PTPRN2: variants seen among roughly 807,000 people sequenced by gnomAD.
PTPRN2 encodes the protein protein tyrosine phosphatase receptor type N2, also known as receptor-type tyrosine-protein phosphatase N2.
Under a neutral mutation model 118.8 loss-of-function variants are expected in PTPRN2, and 74 were observed. The ratio of observed to expected loss-of-function variants is 0.62; its 90% CI spans 0.52 to 0.76. The LOEUF is 0.76. PTPRN2 is among the 30% of genes least tolerant of loss of function. The pLI, the probability that PTPRN2 is intolerant of heterozygous loss-of-function variation, is 0.00. For missense variants in PTPRN2, 1,481 were observed against 1,394.4 expected (o/e 1.06, Z -0.99); for synonymous variants, 641 against 608.0 (o/e 1.05, Z -0.80).
rs569104326 is a variant in PTPRN2, at chr7:157,986,633, C to T, written c.1724-87896G>A. On this transcript the variant is annotated intron_variant, in intron 11 of 22. Coordinates refer to ENST00000389418, the MANE Select transcript of PTPRN2 (RefSeq NM_002847.5). The surrounding 1 kb of genome is among the most constrained non-coding windows in gnomAD (Gnocchi z 4.5). ...TCCTCACTCAAAATTCCCATTCACT[C>T]AGCATTACCACGGTTTGATATTAGG... Among the ~76,000 whole-genome samples the T allele has an allele frequency of 1.2e-4, 19 of 152,340 alleles. No individual in the cohort carries two copies. The highest frequency in any genetic ancestry group is 4.3e-4 in the African/African-American group (18 of 41,580).
At position 157,836,846 on chromosome 7, in the gene PTPRN2, T is replaced by TCCATCCATCCATCCATC. The variant is rs1554464897; in HGVS notation, c.1788+61826_1788+61827insGATGGATGGATGGATGG. Among the ~76,000 whole-genome samples the TCCATCCATCCATCCATC allele has an allele frequency of 2.4e-3, 371 of 151,966 alleles. 2 individuals are homozygous for TCCATCCATCCATCCATC. In the Middle Eastern group the frequency reaches 0.058, roughly 24 times the overall value. ...ACCAAATCTACAACTGTGTGTCCAT[T>TCCATCCATCCATCCATC]CATCCATCCATCCATCCATCCATCC... On this transcript the variant is annotated intron_variant, in intron 12 of 22. Coordinates refer to ENST00000389418, the MANE Select transcript of PTPRN2 (RefSeq NM_002847.5).
intron 11 of PTPRN2, among the ~76,000 whole-genome samples, chr7:157,902,204 G>A (rs938544262): frequency 3.3e-5 from 5 of 152,268 alleles, no homozygotes; most frequent in Non-Finnish European, 7.3e-5. Flanking sequence ...GGCCAGGAAC[G>A]CGCTGCAGCA....
chr7:158,114,768 C>A (rs1816590298), intron 9 of PTPRN2, among the ~76,000 whole-genome samples: 1 of 152,166 alleles, frequency 6.6e-6, no homozygotes, highest in Admixed American at 6.5e-5. Flanking sequence ...CCAGAAGGGT[C>A]CCCAAGAACT....
chr7:157,908,096 A>G (rs910061345), intron 11 of PTPRN2, among the ~76,000 whole-genome samples: 4 of 152,222 alleles, frequency 2.6e-5, no homozygotes, highest in Non-Finnish European at 5.9e-5. Context: ...CTCAGGGTGC[A>G]CATGGGACCG....
At chr7:158,543,281 G>A (rs950818478) in intron 1 of PTPRN2, among the ~76,000 whole-genome samples, 2 of 152,158 alleles carry the variant, frequency 1.3e-5, no homozygotes, top group Non-Finnish European at 2.9e-5. Context: ...CCCACCCCGA[G>A]GCTCTGAAGG....
At chr7:157,579,398 C>T (rs1478002256) in intron 17 of PTPRN2, among the ~76,000 whole-genome samples, 1 of 152,238 alleles carries the variant, frequency 6.6e-6, no homozygotes, top group Admixed American at 6.5e-5. Flanking sequence ...CCAGGCTTTT[C>T]AGGCTTTCAA....
At chr7:158,337,443 C>A (rs78678930) in intron 2 of PTPRN2, among the ~76,000 whole-genome samples, 12 of 52,566 alleles carry the variant, frequency 2.3e-4, no homozygotes, top group Non-Finnish European at 3.5e-4. Flanking sequence ...AGGTGACACC[C>A]ACAGACGTCA....
At chr7:158,084,658 T>TCGACGCCCATCCACACCCA (rs1285119705) in intron 10 of PTPRN2, among the ~76,000 whole-genome samples, 4 of 125,898 alleles carry the variant, frequency 3.2e-5, no homozygotes, top group Admixed American at 1.5e-4. Context: ...ATCCACATCC[T>TCGACGCCCATCCACACCCA]CGACGCCCAT....
rs772044419 is a variant in PTPRN2, at chr7:158,192,371, C to T, written c.505G>A (p.Val169Met). Reference sequence around the variant, plus strand: ...TGCGCCGTATGGGTCCTGGCGAGCACGTCTGAGGCTGGGGCCTGGGACAGG... The same window carrying T: ...TGCGCCGTATGGGTCCTGGCGAGCATGTCTGAGGCTGGGGCCTGGGACAGG... ...EALSQAPASD[V>M]LARTHTAQDR... The change falls in exon 5 of 23, where the codon GTG becomes ATG. Residue 169 changes from valine to methionine, a missense_variant. Physicochemically the swap from Val to Met is conservative, Grantham distance 21. This residue lies in a region of PTPRN2 where 1,115 missense variants were observed against 994.2 expected (regional missense o/e 1.12). Coordinates refer to ENST00000389418, the MANE Select transcript of PTPRN2 (RefSeq NM_002847.5). 9.2e-6 allele frequency: 14 copies of T among 1,526,298 alleles called. No individual in the cohort carries two copies. Among genetic ancestry groups the T allele is most frequent in the East Asian group, 2.6e-5 (1 of 38,708 alleles). The allele number at this position is 1,526,298 out of a possible 1,614,324, so 94.5% of individuals were successfully genotyped here. A position where few individuals can be genotyped will look rare whatever the true frequency, so the allele number is the denominator to read the frequency against.
chr7:157,653,034 G>T (rs551361491), intron 14 of PTPRN2, among the ~76,000 whole-genome samples: 4 of 152,168 alleles, frequency 2.6e-5, no homozygotes, highest in African/African-American at 9.7e-5. Flanking sequence ...TCTGGGCTCC[G>T]GGGCAGTGTG....
chr7:158,146,480 G>C (rs959986795), intron 6 of PTPRN2, among the ~76,000 whole-genome samples: 17 of 152,000 alleles, frequency 1.1e-4, no homozygotes, highest in South Asian at 2.1e-4. Context: ...CCAGCACTTT[G>C]GGACGCTGAG....
chr7:158,089,750 A>T (rs1234451941), intron 10 of PTPRN2, among the ~76,000 whole-genome samples: 60 of 141,002 alleles, frequency 4.3e-4, no homozygotes, highest in African/African-American at 8.0e-4. Context: ...CTTCACACAA[A>T]CCTTCTTCCC....
rs557114434 is a variant in PTPRN2, at chr7:157,546,962, C to T, written c.2976+1984G>A. 3.3e-4 allele frequency among the ~76,000 whole-genome samples: 51 copies of T among 152,282 alleles called. No homozygotes were observed. The South Asian group carries it at 0.01, about 30-fold the overall frequency. The stretch of plus-strand genomic sequence containing the variant: ...CACTTTTGGCAAAGATATCCCCTTG[C>T]GATGATTTTGCCCAGACCCATCCTA... On this transcript the variant is annotated intron_variant, in intron 22 of 22. Coordinates refer to ENST00000389418, the MANE Select transcript of PTPRN2 (RefSeq NM_002847.5).
In PTPRN2 at chr7:157,861,029, T is replaced by TG. The variant is rs973831678; in HGVS notation, c.1788+37643dup. Among the ~76,000 whole-genome samples the TG allele has an allele frequency of 2.0e-5, 3 of 151,690 alleles. No individual in the cohort carries two copies. Among genetic ancestry groups the TG allele is most frequent in the Admixed American group, 2.0e-4 (3 of 15,260 alleles). On this transcript the variant is annotated intron_variant, in intron 12 of 22. Transcript: ENST00000389418. This position sits in a 1 kb window ranked among gnomAD's most constrained non-coding sequence, Gnocchi z 5.8. Reference sequence around the variant, plus strand: ...CCCAGTCCAGGGAGCTGTGGAGAGGTGGGGGGCAGGGTGACCTTCTCTTTC... The same window carrying TG: ...CCCAGTCCAGGGAGCTGTGGAGAGGTGGGGGGGCAGGGTGACCTTCTCTTTC...
At chr7:157,901,489 T>C (rs974020715) in intron 11 of PTPRN2, among the ~76,000 whole-genome samples, 1 of 152,214 alleles carries the variant, frequency 6.6e-6, no homozygotes, top group East Asian at 1.9e-4. Context: ...GACAGTAAAA[T>C]GTAGAAAACC....
intron 13 of PTPRN2, among the ~76,000 whole-genome samples, chr7:157,667,797 C>T (rs1358091570): frequency 6.6e-6 from 1 of 152,262 alleles, no homozygotes; most frequent in Non-Finnish European, 1.5e-5. Flanking sequence ...CGTCCGCACC[C>T]AGGCGCAGAA....
At chr7:158,442,657 G>A (rs1250507665) in intron 2 of PTPRN2, among the ~76,000 whole-genome samples, 1 of 152,162 alleles carries the variant, frequency 6.6e-6, no homozygotes, top group Non-Finnish European at 1.5e-5. Flanking sequence ...TTATTTTGGG[G>A]CTTTAGGATC....
At chr7:157,594,811 G>A (rs1324783961) in intron 17 of PTPRN2, among the ~76,000 whole-genome samples, 2 of 152,208 alleles carry the variant, frequency 1.3e-5, no homozygotes, top group Non-Finnish European at 2.9e-5. Flanking sequence ...GGCTTGCGTC[G>A]AGTAGAGAAG....
intron 22 of PTPRN2, 136 bp downstream of exon 22, chr7:157,548,810 G>C: frequency 1.1e-6 from 1 of 889,182 alleles, no homozygotes; most frequent in Non-Finnish European, 1.8e-6. Flanking sequence ...AGGCCGGCAT[G>C]GACGAGGCCG....
Sources: gnomAD v4.1 joint callset for allele counts (sites outside exome capture counted in the v4.1 genomes callset) on GRCh38, gnomAD v4.1.1 for gene constraint, gnomAD v4.1.1 regional missense constraint, Gnocchi (gnomAD v3.1) non-coding constraint, MANE v1.5 for transcripts, NCBI Gene and HGNC (gene_info 2026-07-23, HGNC 2026-07-21) for gene names.